GRK1: variants seen among roughly 807,000 people sequenced by gnomAD.
The protein encoded by GRK1 is G protein-coupled receptor kinase 1.
Under a neutral mutation model 41.7 loss-of-function variants are expected in GRK1, and 28 were observed. The ratio of observed to expected loss-of-function variants is 0.67; its 90% CI spans 0.50 to 0.92. The LOEUF (loss-of-function observed/expected upper bound fraction) is 0.92. GRK1 is among the 40% of genes least tolerant of loss of function. The pLI is 0.00. For synonymous variants in GRK1, 327 were observed against 286.7 expected, an observed-to-expected ratio of 1.14 and a Z score of -1.42; for missense variants, 703 against 671.2, an observed-to-expected ratio of 1.05 and a Z score of -0.52.
At chr13:113,667,213 C>T, upstream of GRK1, 3 of 638,884 alleles carry the variant, frequency 4.7e-6, no homozygotes, top group Non-Finnish European at 7.8e-6. This position sits in a 1 kb window ranked among gnomAD's most constrained non-coding sequence, Gnocchi z 7.5. Flanking sequence ...CTCCCAGGGG[C>T]TTCCCAGTGG....
upstream of GRK1, among the ~76,000 whole-genome samples, chr13:113,662,779 T>G (rs1055415504): frequency 1.3e-5 from 2 of 152,206 alleles, no homozygotes; most frequent in Non-Finnish European, 2.9e-5. Flanking sequence ...CATGTAATAT[T>G]GATGAAAGAA....
intron 2 of GRK1, 44 bp downstream of exon 2, chr13:113,669,858 C>T (rs547219194): frequency 1.2e-6 from 2 of 1,609,602 alleles, no homozygotes; most frequent in South Asian, 2.2e-5. Context: ...CGCTGTCCCA[C>T]TGGGTCAGGG....
At position 113,667,370 on chromosome 13, in the gene GRK1, G is replaced by T; in HGVS notation, c.-17G>T. On this transcript the variant is annotated 5_prime_UTR_variant, in exon 1 of 7. Transcript: ENST00000335678. This position sits in a 1 kb window ranked among gnomAD's most constrained non-coding sequence, Gnocchi z 7.5. ...GCTGATGGGCCCTCACGCCTGAAGC[G>T]GGCAGGAAGCTCCGGGATGGATTTC... 1 of 1,533,134 alleles carries T rather than the reference G, an allele frequency of 6.5e-7. No individual in the cohort carries two copies. The highest frequency in any genetic ancestry group is 2.4e-5 in the East Asian group (1 of 42,472). 95.0% of individuals were successfully genotyped at this position (1,533,134 alleles called of 1,614,324 possible).
At chr13:113,732,220 A>T (rs566116778) in intron 5 of GRK1, among the ~76,000 whole-genome samples, 32 of 152,224 alleles carry the variant, frequency 2.1e-4, no homozygotes, top group African/African-American at 6.7e-4. Flanking sequence ...CTGGCCACCC[A>T]TCGCCCCCTC....
chr13:113,726,444 T>G (rs1469550210), intron 4 of GRK1: 1 of 132,420 alleles, frequency 7.6e-6, no homozygotes, highest in Admixed American at 7.8e-5. Flanking sequence ...TAGTTTGAGG[T>G]CAGGGGCGGG....
the GRK1 span, chr13:113,653,431 AC>A: frequency 6.2e-7 from 1 of 1,613,600 alleles, no homozygotes; most frequent in African/African-American, 1.3e-5. Context: ...CCTTAAGGTT[AC>A]CCCTGGAGAG....
intron 6 of GRK1, among the ~76,000 whole-genome samples, chr13:113,733,795 ATGTG>A (rs1321474761): frequency 4.2e-5 from 2 of 47,620 alleles, no homozygotes; most frequent in African/African-American, 1.2e-4. Flanking sequence ...GCATGTGTGT[ATGTG>A]TATCTGTGTG....
In GRK1 at chr13:113,671,326, G is replaced by A. The variant is rs1377222822; in HGVS notation, c.828-173G>A. 1.3e-5 allele frequency among the ~76,000 whole-genome samples: 2 copies of A among 152,172 alleles called. No individual in the cohort carries two copies. Among genetic ancestry groups the A allele is most frequent in the African/African-American group, 2.4e-5 (1 of 41,426 alleles). ...GGTTCAGGGTCCCTGAGCTGCTAAC[G>A]CCGCCAGCCACCATGGCCTTCGGGT... On this transcript the variant is annotated intron_variant, in intron 2 of 6. Transcript: ENST00000335678. This position sits in a 1 kb window ranked among gnomAD's most constrained non-coding sequence, Gnocchi z 4.1.
chr13:113,654,205 TTTG>T, the GRK1 span, among the ~76,000 whole-genome samples: 5 of 152,244 alleles, frequency 3.3e-5, no homozygotes, highest in African/African-American at 1.2e-4. Flanking sequence ...TTTAGTGGAT[TTTG>T]TTAAGAGTAA....
chr13:113,733,890 C>CGTGTGTGT (rs1195094143), intron 6 of GRK1, among the ~76,000 whole-genome samples: 4 of 70,546 alleles, frequency 5.7e-5, no homozygotes, highest in South Asian at 4.1e-4. Context: ...TACGTGTGTG[C>CGTGTGTGT]GTGTGTGTAT....
chr13:113,731,826 C>A lies in GRK1; in HGVS notation c.1194+483C>A, dbSNP rs901881291. Among the ~76,000 whole-genome samples the A allele has an allele frequency of 6.6e-6, 1 of 152,186 alleles. No homozygotes were observed. Among genetic ancestry groups the A allele is most frequent in the Non-Finnish European group, 1.5e-5 (1 of 68,024 alleles). On this transcript the variant is annotated intron_variant, in intron 5 of 6. Coordinates refer to ENST00000335678, the MANE Select transcript of GRK1 (RefSeq NM_002929.3). This position sits in a 1 kb window ranked among gnomAD's most constrained non-coding sequence, Gnocchi z 5.6. ...CTGGGGGACACGGAGTCGGCTCCCC[C>A]TCCCTGGACGGTCTTATCCATCGCT...
chr13:113,653,157 T>C, the GRK1 span: 4 of 1,494,848 alleles, frequency 2.7e-6, no homozygotes, highest in Non-Finnish European at 3.6e-6. Flanking sequence ...AAGCCCTGAG[T>C]GCGAGTTTCT....
At chr13:113,668,750 A>ATCT (rs766734063) in intron 1 of GRK1, among the ~76,000 whole-genome samples, 1 of 152,188 alleles carries the variant, frequency 6.6e-6, no homozygotes, top group African/African-American at 2.4e-5. Context: ...TGTGGACGTG[A>ATCT]TCTCCTGAGC....
Position 113,723,164 on chromosome 13 carries a change from G to T in GRK1, c.1069+7G>T. 2 of 700,486 alleles carry T rather than the reference G, an allele frequency of 2.9e-6. No homozygotes were observed. The highest frequency in any genetic ancestry group is 5.2e-6 in the Non-Finnish European group (2 of 382,948). 43.4% of individuals were successfully genotyped at this position (700,486 alleles called of 1,614,324 possible). A position where few individuals can be genotyped will look rare whatever the true frequency, so the allele number is the denominator to read the frequency against. On this transcript the variant is annotated splice_region_variant and intron_variant, in intron 4 of 6. Coordinates refer to ENST00000335678, the MANE Select transcript of GRK1 (RefSeq NM_002929.3). Reference sequence around the variant, plus strand: ...GGCTACGCAGGGACCCCAGGTAAGGGTCTGAGCGCAGCTGGGGAGGCTCCG... The same window carrying T: ...GGCTACGCAGGGACCCCAGGTAAGGTTCTGAGCGCAGCTGGGGAGGCTCCG...
At chr13:113,723,824 CTGTGT>C (rs1566695330) in intron 4 of GRK1, among the ~76,000 whole-genome samples, 2 of 150,618 alleles carry the variant, frequency 1.3e-5, no homozygotes, top group Admixed American at 6.6e-5. Flanking sequence ...GTGCCCATGC[CTGTGT>C]CTCTGTGCAC....
At chr13:113,648,855 C>A in the GRK1 span, 1 of 152,136 alleles carries the variant, frequency 6.6e-6, no homozygotes. Context: ...TCAGGAAACA[C>A]GATTTCTTTT....
At chr13:113,653,066 G>A in the GRK1 span, 3 of 1,609,130 alleles carry the variant, frequency 1.9e-6, no homozygotes, top group South Asian at 1.1e-5. Flanking sequence ...GGCTGCTGGA[G>A]AGTAGCCTGC....
intron 4 of GRK1, among the ~76,000 whole-genome samples, chr13:113,728,581 C>T (rs1364392030): frequency 6.6e-6 from 1 of 152,192 alleles, no homozygotes; most frequent in African/African-American, 2.4e-5. Context: ...GGAGCAAGTG[C>T]TGTGCTCATC....
the GRK1 span, chr13:113,654,665 TG>T: frequency 3.1e-6 from 4 of 1,270,846 alleles, no homozygotes; most frequent in Non-Finnish European, 3.2e-6. Context: ...GGGCACCTGC[TG>T]GGGTGTGTGG....
Sources: gnomAD v4.1 joint callset for allele counts (sites outside exome capture counted in the v4.1 genomes callset) on GRCh38, gnomAD v4.1.1 for gene constraint, Gnocchi (gnomAD v3.1) non-coding constraint, MANE v1.5 for transcripts, NCBI Gene and HGNC (gene_info 2026-07-23, HGNC 2026-07-21) for gene names.